NIPBL: variants seen among roughly 807,000 people sequenced by gnomAD.
NIPBL encodes the protein nipped-B-like protein.
A neutral mutation model predicts 321.8 loss-of-function variants in NIPBL; 19 were observed. The observed-to-expected ratio is 0.06, with a 90% CI of 0.04 to 0.09. The LOEUF is 0.09. Ranked by LOEUF, NIPBL falls within the 10% of genes least tolerant of loss-of-function variation. NIPBL has a pLI of 1.00. For missense variants in NIPBL, 2,210 were observed against 3,327.0 expected (o/e 0.66, Z 8.26); for synonymous variants, 1,106 against 1,114.1 (o/e 0.99, Z 0.14).
chr5:36,951,603 T>A (rs1270415870), intron 1 of NIPBL, among the ~76,000 whole-genome samples: 2 of 152,216 alleles, frequency 1.3e-5, no homozygotes, highest in African/African-American at 4.8e-5. Flanking sequence ...AACCAACTTT[T>A]TAAAGTGCTT....
chr5:36,995,899 A>T, intron 11 of NIPBL, 95 bp downstream of exon 11: 1 of 1,080,098 alleles, frequency 9.3e-7, no homozygotes, highest in South Asian at 1.4e-5. Context: ...GCAAAAGCAC[A>T]GTCACCTTAA....
intron 10 of NIPBL, among the ~76,000 whole-genome samples, chr5:36,988,730 G>T (rs1054555575): frequency 6.6e-5 from 10 of 152,038 alleles, no homozygotes; most frequent in African/African-American, 2.2e-4. Context: ...TCTGAATACT[G>T]CTGGGATACT....
In NIPBL at chr5:37,000,690, T is replaced by TCGTGC; in HGVS notation, c.3502+120_3502+121insCGTGC. The TCGTGC allele has an allele frequency of 5.4e-6, 7 of 1,301,900 alleles. No homozygotes were observed. In the South Asian group the frequency reaches 7.6e-5, roughly 14 times the overall value. 80.6% of individuals were successfully genotyped at this position (1,301,900 alleles called of 1,614,324 possible). On this transcript the variant is annotated intron_variant, in intron 12 of 46. Transcript: ENST00000282516. ...AACTAATTTTCAATTAAGACAAAAA[T>TCGTGC]ACTTAGTTTCTATGTGCAGTGATTA... is the stretch of plus-strand genomic sequence containing the variant.
chr5:37,054,383 G>A (rs1196095783), intron 42 of NIPBL, among the ~76,000 whole-genome samples: 6 of 152,124 alleles, frequency 3.9e-5, no homozygotes, highest in Non-Finnish European at 8.8e-5. Context: ...TTTGCATTGT[G>A]TATAGGACAC....
At chr5:36,880,665 G>C (rs1745433934) in intron 1 of NIPBL, among the ~76,000 whole-genome samples, 1 of 151,988 alleles carries the variant, frequency 6.6e-6, no homozygotes, top group Non-Finnish European at 1.5e-5. Context: ...GGTTAGGTTT[G>C]GTGGTAATTT....
At chr5:36,908,267 CTTT>C (rs1747792610) in intron 1 of NIPBL, among the ~76,000 whole-genome samples, 1 of 152,128 alleles carries the variant, frequency 6.6e-6, no homozygotes, top group Non-Finnish European at 1.5e-5. Context: ...CTTAAACATT[CTTT>C]AAGTCTTCTT....
rs1749563743 is a variant in NIPBL at position 37,020,998 on chromosome 5, AT to A, written c.5328+124del. 4 of 849,598 alleles carry A rather than the reference AT, an allele frequency of 4.7e-6. No homozygotes were observed. The Admixed American group carries it at 7.1e-5, about 15-fold the overall frequency. 52.6% of individuals were successfully genotyped at this position (849,598 alleles called of 1,614,324 possible). ...ATACTTAAAAGATCATAGATGTAGT[AT>A]TTGTTTTTAGGTTCTCCGGCCGGGT... On this transcript the variant is annotated intron_variant, in intron 27 of 46. Transcript: ENST00000282516.
intron 10 of NIPBL, among the ~76,000 whole-genome samples, chr5:36,993,879 C>CCA (rs150302048): frequency 0.022 from 3,353 of 151,982 alleles, 124 homozygotes; most frequent in African/African-American, 0.078. Flanking sequence ...AAATTGTGAA[C>CCA]CAGAGTTAGG....
At chr5:37,027,657 C>T (rs1395648155) in intron 32 of NIPBL, among the ~76,000 whole-genome samples, 6 of 117,084 alleles carry the variant, frequency 5.1e-5, no homozygotes, top group Admixed American at 2.5e-4. Context: ...CTCACTCTGT[C>T]GCCCAGGCTG....
rs1400688584 is a variant in NIPBL at position 37,044,735 on chromosome 5, T to C, written c.6343+6T>C. On this transcript the variant is annotated splice_donor_region_variant and intron_variant, in intron 36 of 46. Coordinates refer to ENST00000282516, the MANE Select transcript of NIPBL (RefSeq NM_133433.4). ...TTGTTTCAATAGATACTATGGTAAG[T>C]TCAATACCAGGGTTTTAAAATTATT... The C allele has an allele frequency of 1.9e-6, 3 of 1,593,754 alleles. No homozygotes were observed. Among genetic ancestry groups the C allele is most frequent in the Non-Finnish European group, 1.7e-6 (2 of 1,161,468 alleles).
intron 9 of NIPBL, among the ~76,000 whole-genome samples, chr5:36,982,597 A>AT (rs1554016594): frequency 6.6e-6 from 1 of 151,866 alleles, no homozygotes; most frequent in Non-Finnish European, 1.5e-5. Context: ...ACTTTCATAC[A>AT]TTTTTTATTA....
chr5:37,035,049 G>T (rs1751529296), intron 32 of NIPBL, among the ~76,000 whole-genome samples: 1 of 152,220 alleles, frequency 6.6e-6, no homozygotes, highest in African/African-American at 2.4e-5. Context: ...CAGCACTATG[G>T]GAGGCTAAGG....
At chr5:36,896,990 G>A (rs1382373194) in intron 1 of NIPBL, among the ~76,000 whole-genome samples, 22 of 151,372 alleles carry the variant, frequency 1.5e-4, no homozygotes, top group Admixed American at 1.4e-3. Flanking sequence ...TATTGTAAAT[G>A]GAATAGACTT....
At position 37,000,427 on chromosome 5, in the gene NIPBL, G is replaced by T; in HGVS notation, c.3359G>T (p.Arg1120Leu). 2.5e-6 allele frequency: 4 copies of T among 1,613,340 alleles called. No homozygotes were observed. Among genetic ancestry groups the T allele is most frequent in the Non-Finnish European group, 3.4e-6 (4 of 1,179,518 alleles). ...DDDKAWEYEE[R>L]DRRSSGDHRR... is the part of the protein sequence containing the mutation. ...GATAAAGCTTGGGAATATGAAGAGCGTGACAGAAGAAGCTCTGGGGATCAT... is the reference window on the plus strand; with the variant it reads ...GATAAAGCTTGGGAATATGAAGAGCTTGACAGAAGAAGCTCTGGGGATCAT... The change falls in exon 12 of 47, where the codon CGT (arginine) becomes CTT (leucine). Residue 1120 changes from arginine (R) to leucine (L), a missense_variant. Arg to Leu is a moderately radical substitution (Grantham distance 102). Around this residue, in one of 14 missense-constraint regions of NIPBL, gnomAD observed 381 missense variants for 642.3 expected, o/e 0.59. Transcript: ENST00000282516.
intron 30 of NIPBL, 101 bp downstream of exon 30, chr5:37,024,820 C>T: frequency 1.1e-6 from 1 of 901,552 alleles, no homozygotes; most frequent in Non-Finnish European, 1.7e-6. Flanking sequence ...AAACACTTTA[C>T]AATGAATCGT....
chr5:36,962,783 T>C (rs1324059836), intron 6 of NIPBL, among the ~76,000 whole-genome samples: 1 of 152,190 alleles, frequency 6.6e-6, no homozygotes, highest in Non-Finnish European at 1.5e-5. Flanking sequence ...AGCAACTGTT[T>C]ACATAGCACT....
At chr5:37,061,811 A>AT (rs960276243) in intron 45 of NIPBL, among the ~76,000 whole-genome samples, 3 of 151,984 alleles carry the variant, frequency 2.0e-5, no homozygotes, top group Non-Finnish European at 2.9e-5. Context: ...GTTATACTGC[A>AT]TTTTTTTTAA....
At chr5:37,056,087 ATATG>A (rs978470671) in intron 42 of NIPBL, among the ~76,000 whole-genome samples, 2 of 152,158 alleles carry the variant, frequency 1.3e-5, no homozygotes, top group African/African-American at 4.8e-5. Context: ...GTTGAAGAAA[ATATG>A]TATATTTTCT....
chr5:36,931,794 TTTTTTG>T (rs973436858), intron 1 of NIPBL, among the ~76,000 whole-genome samples: 20 of 151,944 alleles, frequency 1.3e-4, no homozygotes, highest in South Asian at 6.2e-4. Flanking sequence ...GGTTTTTTTT[TTTTTTG>T]TTTATTTTTA....
Sources: gnomAD v4.1 joint callset for allele counts (sites outside exome capture counted in the v4.1 genomes callset) on GRCh38, gnomAD v4.1.1 for gene constraint, gnomAD v4.1.1 regional missense constraint, MANE v1.5 for transcripts, NCBI Gene and HGNC (gene_info 2026-07-23, HGNC 2026-07-21) for gene names.